TBCD: variants seen among roughly 807,000 people sequenced by gnomAD.
TBCD encodes tubulin-specific chaperone D.
A neutral mutation model predicts 169.3 loss-of-function variants in TBCD; 105 were observed. The ratio of observed to expected loss-of-function variants is 0.62; its 90% CI spans 0.53 to 0.73. The LOEUF (loss-of-function observed/expected upper bound fraction) is 0.73, where lower values mean the gene tolerates loss of function less well. TBCD is among the 30% of genes least tolerant of loss of function. The pLI is 0.00. For synonymous variants in TBCD, 700 were observed against 643.9 expected (o/e 1.09, Z -1.32); for missense variants, 1,444 against 1,600.1 (o/e 0.90, Z 1.66).
chr17:82,860,851 T>C (rs958581615), intron 13 of TBCD, among the ~76,000 whole-genome samples: 1 of 152,172 alleles, frequency 6.6e-6, no homozygotes, highest in Non-Finnish European at 1.5e-5. Flanking sequence ...AGGAGGCCCT[T>C]GTTGGATGCT....
In TBCD at chr17:82,832,168, G is replaced by C; in HGVS notation, c.1318+17234G>C. On this transcript the variant is annotated intron_variant, in intron 13 of 38. Transcript: ENST00000355528. The surrounding 1 kb of genome is among the most constrained non-coding windows in gnomAD (Gnocchi z 4.9). ...GTGCTGAAGCTTCGAGTCGAAGGCA[G>C]AGAGTCCATTTGCGACAGACTTGGA... is the stretch of plus-strand genomic sequence containing the variant. 6.2e-7 allele frequency: 1 copy of C among 1,614,258 alleles called. No individual in the cohort carries two copies. Among genetic ancestry groups the C allele is most frequent in the Non-Finnish European group, 8.5e-7 (1 of 1,180,050 alleles).
chr17:82,819,928 T>C (rs915958664), intron 13 of TBCD, among the ~76,000 whole-genome samples: 2 of 152,120 alleles, frequency 1.3e-5, no homozygotes, highest in African/African-American at 4.8e-5. Flanking sequence ...TTTCCTTTGT[T>C]GGATACAAGA....
chr17:82,904,621 C>T (rs1332410633), intron 19 of TBCD, among the ~76,000 whole-genome samples: 1 of 152,122 alleles, frequency 6.6e-6, no homozygotes, highest in Non-Finnish European at 1.5e-5. Flanking sequence ...GGGAAGAATA[C>T]ACACATTTCT....
intron 14 of TBCD, among the ~76,000 whole-genome samples, chr17:82,879,710 G>A (rs746645501): frequency 5.9e-5 from 9 of 152,270 alleles, no homozygotes; most frequent in South Asian, 2.1e-4. Context: ...AGGACAGTCC[G>A]TCTCCCCCAA....
At chr17:82,875,115 T>C (rs1350020683) in intron 14 of TBCD, among the ~76,000 whole-genome samples, 2 of 152,242 alleles carry the variant, frequency 1.3e-5, no homozygotes, top group Admixed American at 6.5e-5. Flanking sequence ...TTGGATTAAC[T>C]GTTCTTTTGC....
intron 13 of TBCD, among the ~76,000 whole-genome samples, chr17:82,855,993 C>CCTTTTT (rs373747821): frequency 9.8e-4 from 65 of 66,288 alleles, no homozygotes; most frequent in African/African-American, 4.1e-3. Flanking sequence ...TCCCCCCCCA[C>CCTTTTT]TTTTTTTTTT....
chr17:82,910,205 G>A (rs2060529284), intron 22 of TBCD, among the ~76,000 whole-genome samples: 1 of 152,188 alleles, frequency 6.6e-6, no homozygotes, highest in Admixed American at 6.5e-5. Context: ...TGACTTCTCA[G>A]CAGCCGAGCC....
intron 14 of TBCD, 50 bp downstream of exon 14, chr17:82,870,430 G>A (rs1408257567): frequency 4.4e-6 from 7 of 1,581,268 alleles, no homozygotes; most frequent in Non-Finnish European, 5.2e-6. Flanking sequence ...CCCTGACGGC[G>A]CCGTGTGTCG....
At chr17:82,888,706 A>G (rs2058925498) in intron 15 of TBCD, among the ~76,000 whole-genome samples, 1 of 152,154 alleles carries the variant, frequency 6.6e-6, no homozygotes, top group Non-Finnish European at 1.5e-5. Flanking sequence ...GGGTGGGGGC[A>G]CAGACCCTGG....
intron 4 of TBCD, among the ~76,000 whole-genome samples, 183 bp downstream of exon 4, chr17:82,766,551 A>C (rs1169075123): frequency 3.3e-5 from 5 of 151,990 alleles, no homozygotes; most frequent in African/African-American, 9.7e-5. Context: ...AAGTTGCTTT[A>C]AATTATTTTC....
intron 13 of TBCD, among the ~76,000 whole-genome samples, chr17:82,825,891 G>A (rs577391969): frequency 1.1e-4 from 17 of 152,314 alleles, no homozygotes; most frequent in Non-Finnish European, 2.5e-4. Flanking sequence ...CTTGAGCCCC[G>A]GGAGGTTGAG....
intron 22 of TBCD, among the ~76,000 whole-genome samples, chr17:82,910,435 C>T (rs889537075): frequency 1.3e-5 from 2 of 152,186 alleles, no homozygotes; most frequent in East Asian, 3.8e-4. Context: ...AGACTTTTTG[C>T]TCATTAAAAA....
intron 6 of TBCD, among the ~76,000 whole-genome samples, chr17:82,776,911 A>G (rs1356941530): frequency 1.3e-5 from 2 of 152,048 alleles, no homozygotes; most frequent in African/African-American, 4.8e-5. Flanking sequence ...CATCACGCTG[A>G]TTGCCCTCAC....
intron 34 of TBCD, among the ~76,000 whole-genome samples, chr17:82,934,331 T>C (rs2062446293): frequency 6.6e-6 from 1 of 151,768 alleles, no homozygotes; most frequent in African/African-American, 2.4e-5. Flanking sequence ...TCTAACAGCA[T>C]TGAAGGGTTT....
chr17:82,882,361 C>A (rs1018721960), intron 14 of TBCD, among the ~76,000 whole-genome samples: 2 of 152,230 alleles, frequency 1.3e-5, no homozygotes, highest in African/African-American at 2.4e-5. Flanking sequence ...GAGACTGTGG[C>A]CCTGTGGCGT....
At chr17:82,822,633 T>C (rs986645757) in intron 13 of TBCD, among the ~76,000 whole-genome samples, 4 of 151,744 alleles carry the variant, frequency 2.6e-5, no homozygotes, top group East Asian at 3.9e-4. Flanking sequence ...TACACGGGGG[T>C]GCAGTGGAAA....
Position 82,752,414 on chromosome 17 carries a change from G to T in TBCD, c.184+37G>T, listed in dbSNP as rs1431036649. 3 of 1,201,582 alleles carry T rather than the reference G, an allele frequency of 2.5e-6. No individual in the cohort carries two copies. The East Asian group carries it at 1.1e-4, about 43-fold the overall frequency. 74.4% of individuals were successfully genotyped at this position (1,201,582 alleles called of 1,614,324 possible). Reference sequence around the variant, plus strand: ...GCGCCGCGTGCCCGCTTCCTCCCCCGGCCCGGGTTCGGCGCGCTGAGTGCA... The same window carrying T: ...GCGCCGCGTGCCCGCTTCCTCCCCCTGCCCGGGTTCGGCGCGCTGAGTGCA... On this transcript the variant is annotated intron_variant, in intron 1 of 38. Coordinates refer to ENST00000355528, the MANE Select transcript of TBCD (RefSeq NM_005993.5).
At chr17:82,816,708 T>G (rs2051940139) in intron 13 of TBCD, among the ~76,000 whole-genome samples, 1 of 152,138 alleles carries the variant, frequency 6.6e-6, no homozygotes, top group South Asian at 2.1e-4. Context: ...TAATTTTTTT[T>G]TTTAGTTTTG....
Position 82,807,679 on chromosome 17 carries a change from G to C in TBCD, c.1148+11G>C. On this transcript the variant is annotated intron_variant, in intron 11 of 38. Coordinates refer to ENST00000355528, the MANE Select transcript of TBCD (RefSeq NM_005993.5). ...GTCTGCAGCCAAGGGGTAGGTGTCT[G>C]TGGCCGCAGAAGCACCCCGGGGGGT... The C allele has an allele frequency of 1.4e-6, 2 of 1,480,736 alleles. No individual in the cohort carries two copies. The highest frequency in any genetic ancestry group is 9.0e-7 in the Non-Finnish European group (1 of 1,109,420). 91.7% of individuals were successfully genotyped at this position (1,480,736 alleles called of 1,614,324 possible).
Sources: allele counts gnomAD v4.1 joint callset (sites outside exome capture counted in the v4.1 genomes callset), GRCh38; gene constraint gnomAD v4.1.1; non-coding constraint Gnocchi (gnomAD v3.1); transcripts MANE v1.5; gene names NCBI Gene and HGNC (gene_info 2026-07-23, HGNC 2026-07-21).